GRK4: variants seen among roughly 807,000 people sequenced by gnomAD.
The protein encoded by GRK4 is G protein-coupled receptor kinase 2-like.
In GRK4, 73 loss-of-function variants were observed where a neutral mutation model predicts 77.9. The ratio of observed to expected loss-of-function variants is 0.94; its 90% CI spans 0.78 to 1.14. The LOEUF (loss-of-function observed/expected upper bound fraction) is 1.14, where lower values mean the gene tolerates loss of function less well. GRK4 is among the 50% of genes most tolerant of loss of function. The pLI, the probability that GRK4 is intolerant of heterozygous loss-of-function variation, is 0.00. For missense variants in GRK4, 729 were observed against 700.2 expected (o/e 1.04, Z -0.46); for synonymous variants, 257 against 254.4 (o/e 1.01, Z -0.10).
intron 6 of GRK4, among the ~76,000 whole-genome samples, chr4:3,008,677 C>G (rs950787275): frequency 1.3e-5 from 2 of 152,000 alleles, no homozygotes; most frequent in African/African-American, 2.4e-5. Context: ...TGGCATGCAC[C>G]TGTACTCCCA....
chr4:2,985,057 A>G (rs1428382494), intron 2 of GRK4, among the ~76,000 whole-genome samples: 1 of 152,228 alleles, frequency 6.6e-6, no homozygotes, highest in Non-Finnish European at 1.5e-5. Flanking sequence ...TGTCTGTAGA[A>G]GAAACACTGT....
intron 1 of GRK4, among the ~76,000 whole-genome samples, chr4:2,984,035 C>A: frequency 6.6e-6 from 1 of 152,058 alleles, no homozygotes; most frequent in African/African-American, 2.4e-5. Context: ...CCACCTGGTC[C>A]CTCCCTCGAC....
At chr4:3,009,551 T>C (rs1362249111) in intron 6 of GRK4, 97 bp from the exon 7 acceptor site, 2 of 873,932 alleles carry the variant, frequency 2.3e-6, no homozygotes, top group East Asian at 5.1e-5. Flanking sequence ...AGCAGAATGG[T>C]TCAATAAATG....
intron 12 of GRK4, among the ~76,000 whole-genome samples, chr4:3,034,995 C>T (rs1204099077): frequency 1.3e-5 from 2 of 151,924 alleles, no homozygotes; most frequent in Admixed American, 6.6e-5. Context: ...CGGTGGCTCA[C>T]GACTGTAATC....
intron 1 of GRK4, among the ~76,000 whole-genome samples, chr4:2,973,226 C>T (rs1361127564): frequency 6.6e-6 from 1 of 152,210 alleles, no homozygotes; most frequent in Admixed American, 6.5e-5. Context: ...TGCATCATCA[C>T]CCTTCCTGTT....
In GRK4 at chr4:2,964,093, CCAA is replaced by C. The variant is rs768430935; in HGVS notation, c.25_27del (p.Asn9del). ...GACATGGAGCTCGAGAACATCGTGG[CCAA>C]CTCGCTGCTGCTGAAAGCGCGTCAA... On this transcript the variant is annotated inframe_deletion, in exon 1 of 16. Coordinates refer to ENST00000398052, the MANE Select transcript of GRK4 (RefSeq NM_182982.3). 7 of 1,608,540 alleles carry C rather than the reference CCAA, an allele frequency of 4.4e-6. No individual in the cohort carries two copies. The highest frequency in any genetic ancestry group is 5.1e-6 in the Non-Finnish European group (6 of 1,178,950).
At chr4:3,011,041 A>G (rs1732773100) in intron 7 of GRK4, among the ~76,000 whole-genome samples, 1 of 152,122 alleles carries the variant, frequency 6.6e-6, no homozygotes, top group Admixed American at 6.6e-5. Context: ...TAAGAAATCC[A>G]CCCTCTGTTT....
intron 14 of GRK4, 59 bp from the exon 15 acceptor site, chr4:3,038,317 C>T: frequency 6.2e-7 from 1 of 1,602,898 alleles, no homozygotes; most frequent in Non-Finnish European, 8.5e-7. Context: ...CACTGGGAGA[C>T]ACCCACTGAC....
At chr4:3,012,018 G>T (rs1733063454) in intron 7 of GRK4, among the ~76,000 whole-genome samples, 1 of 152,186 alleles carries the variant, frequency 6.6e-6, no homozygotes, top group South Asian at 2.1e-4. Context: ...CTCATCTCTA[G>T]CAGGGAAATA....
chr4:2,986,803 T>A, intron 2 of GRK4: 1 of 328,332 alleles, frequency 3.0e-6, no homozygotes. Context: ...CATCTTTCCT[T>A]TAGTACTATT....
intron 12 of GRK4, among the ~76,000 whole-genome samples, chr4:3,031,897 G>A (rs566001372): frequency 3.9e-5 from 6 of 152,294 alleles, no homozygotes; most frequent in South Asian, 4.1e-4. Flanking sequence ...CTGTGCCTGG[G>A]TAACTGACAT....
At chr4:2,993,990 C>G (rs375456349) in intron 4 of GRK4, among the ~76,000 whole-genome samples, 13 of 152,220 alleles carry the variant, frequency 8.5e-5, no homozygotes, top group South Asian at 4.1e-4. Context: ...AATAGAGTGC[C>G]AGAGGGGATG....
intron 4 of GRK4, among the ~76,000 whole-genome samples, chr4:2,998,648 C>T (rs996357868): frequency 2.5e-4 from 38 of 151,804 alleles, no homozygotes; most frequent in East Asian, 3.9e-4. Context: ...TAAGAATGAA[C>T]GTAACAACAT....
chr4:2,963,729 A>T lies in GRK4; in HGVS notation c.-342A>T. 2.7e-6 allele frequency: 1 copy of T among 372,120 alleles called. No individual in the cohort carries two copies. The highest frequency in any genetic ancestry group is 4.8e-6 in the Non-Finnish European group (1 of 206,662). The allele number at this position is 372,120 out of a possible 1,614,324, so 23.1% of individuals were successfully genotyped here. ...CATTGACTCGGGGCTGCCCGGGGGCAGGGCACTGAGGAGGGAGTTGCGCGC... is the reference window on the plus strand; with the variant it reads ...CATTGACTCGGGGCTGCCCGGGGGCTGGGCACTGAGGAGGGAGTTGCGCGC... On this transcript the variant is annotated 5_prime_UTR_variant, in exon 1 of 16. Coordinates refer to ENST00000398052, the MANE Select transcript of GRK4 (RefSeq NM_182982.3).
At chr4:3,025,609 G>A (rs553803842) in intron 10 of GRK4, among the ~76,000 whole-genome samples, 28 of 151,740 alleles carry the variant, frequency 1.8e-4, no homozygotes, top group Non-Finnish European at 2.9e-5. Context: ...AGCCAGGATG[G>A]TCTCGATCTC....
intron 7 of GRK4, among the ~76,000 whole-genome samples, chr4:3,010,517 G>A (rs144131356): frequency 0.036 from 5,483 of 152,180 alleles, 219 homozygotes; most frequent in Non-Finnish European, 0.047. Flanking sequence ...GTGAGCCACC[G>A]TGCCTGGCCC....
intron 1 of GRK4, chr4:2,965,513 G>A (rs1160971347): frequency 1.0e-5 from 7 of 698,104 alleles, no homozygotes; most frequent in Admixed American, 6.0e-5. Flanking sequence ...TGTAAATGCC[G>A]ACTGAAGATG....
At chr4:3,003,798 G>A (rs1578183745) in intron 4 of GRK4, among the ~76,000 whole-genome samples, 3 of 151,740 alleles carry the variant, frequency 2.0e-5, no homozygotes, top group Admixed American at 6.6e-5. Context: ...GTGCAGTGGC[G>A]TGATCTCAGC....
In GRK4 at chr4:2,964,117, G is replaced by A; in HGVS notation, c.47G>A (p.Arg16His). ...GCCAACTCGCTGCTGCTGAAAGCGC[G>A]TCAAGGTGGGTGCGCGGCAGGCGCC... ...IVANSLLLKA[R>H]QGGYGKKSGR... The change falls in exon 1 of 16, where the codon CGT becomes CAT. Residue 16 changes from arginine to histidine, a missense_variant. Physicochemically the swap from Arg to His is conservative, Grantham distance 29. Transcript: ENST00000398052. 6.2e-7 allele frequency: 1 copy of A among 1,603,006 alleles called. No individual in the cohort carries two copies. Among genetic ancestry groups the A allele is most frequent in the Admixed American group, 1.7e-5 (1 of 58,620 alleles).
Sources: gnomAD v4.1 joint callset for allele counts (sites outside exome capture counted in the v4.1 genomes callset) on GRCh38, gnomAD v4.1.1 for gene constraint, MANE v1.5 for transcripts, NCBI Gene and HGNC (gene_info 2026-07-23, HGNC 2026-07-21) for gene names.